The following ZNF846 variants were observed in gnomAD, a reference collection of about 807,000 sequenced individuals.
ZNF846 encodes the protein zinc finger protein 420 pseudogene.
In ZNF846, 15 loss-of-function variants were observed where a neutral mutation model predicts 16.0. The observed-to-expected ratio is 0.94, with a 90% CI of 0.63 to 1.45. The LOEUF (loss-of-function observed/expected upper bound fraction) is 1.45, where lower values mean the gene tolerates loss of function less well. ZNF846 is among the 40% of genes most tolerant of loss of function. ZNF846 has a pLI of 0.00. For synonymous variants in ZNF846, 229 were observed against 212.0 expected (o/e 1.08, Z -0.70); for missense variants, 714 against 622.3 (o/e 1.15, Z -1.57).
In ZNF846 at chr19:9,758,439, A is replaced by C. The variant is rs544734614; in HGVS notation, c.638T>G (p.Leu213Arg). ...ATTGTGAGATCTTATATGTAACTTA[A>C]GGGATGACTGATTAAGAAAAGTTCT... Residue 213 changes from leucine (L) to arginine (R), a missense_variant, in exon 6 of 6, where the codon CTT becomes CGT. Physicochemically the swap from Leu to Arg is moderately radical, Grantham distance 102. Coordinates refer to ENST00000397902, the Ensembl canonical transcript of ZNF846. The C allele has an allele frequency of 8.7e-6, 14 of 1,613,200 alleles. No homozygotes were observed. In the South Asian group the frequency reaches 1.1e-4, roughly 13 times the overall value.
intron 5 of ZNF846, among the ~76,000 whole-genome samples, chr19:9,759,289 T>C (rs1458355628): frequency 1.3e-5 from 2 of 149,700 alleles, no homozygotes; most frequent in Admixed American, 1.3e-4. Flanking sequence ...TTAGCCACAA[T>C]ACATCTGAGA....
At chr19:9,754,552 G>A (rs545487078), downstream of ZNF846, among the ~76,000 whole-genome samples, 7 of 113,046 alleles carry the variant, frequency 6.2e-5, no homozygotes, top group East Asian at 2.2e-4. Flanking sequence ...GCGACAGAGC[G>A]AGACTCTGTC....
At chr19:9,775,243 C>A (rs1016785031) in intron 1 of ZNF846, among the ~76,000 whole-genome samples, 5 of 150,400 alleles carry the variant, frequency 3.3e-5, no homozygotes, top group African/African-American at 1.2e-4. Context: ...CAATAAAAAA[C>A]CAAACTTTTT....
Position 9,763,393 on chromosome 19 carries a change from CA to C in ZNF846, c.30del (p.Phe10LeufsTer27). On this transcript the variant is annotated frameshift_variant, in exon 3 of 6. Coordinates refer to ENST00000397902, the Ensembl canonical transcript of ZNF846. LOFTEE classifies it high-confidence loss of function. ...TGGGTAAAGTCCACAGCCACATCCT[CA>C]AAGGTCACTAAGTGCTAAACCATTA... The C allele has an allele frequency of 6.2e-7, 1 of 1,609,672 alleles. No homozygotes were observed.
rs1356246922 is a variant in ZNF846, at chr19:9,764,813, GGGAGTTATTTCCTGA to G, written c.15+108_15+122del. 11 of 1,153,266 alleles carry G rather than the reference GGGAGTTATTTCCTGA, an allele frequency of 9.5e-6. 1 individual carries two copies. The East Asian group carries it at 2.1e-4, about 22-fold the overall frequency. The allele number at this position is 1,153,266 out of a possible 1,614,324, so 71.4% of individuals were successfully genotyped here. ...CTTGGTTCCTAGAGAAATTCACCTG[GGGAGTTATTTCCTGA>G]GCAGGACCATCATTTCTTTAAGATG... On this transcript the variant is annotated intron_variant, in intron 2 of 5. Coordinates refer to ENST00000397902, the Ensembl canonical transcript of ZNF846.
At chr19:9,776,640 C>T (rs556578159) in intron 1 of ZNF846, among the ~76,000 whole-genome samples, 1 of 152,216 alleles carries the variant, frequency 6.6e-6, no homozygotes, top group Admixed American at 6.5e-5. Context: ...GGTCTCCGTG[C>T]ATTGGGGGTA....
chr19:9,773,845 C>T (rs997475279), intron 1 of ZNF846, among the ~76,000 whole-genome samples: 1 of 152,094 alleles, frequency 6.6e-6, no homozygotes, highest in Non-Finnish European at 1.5e-5. Flanking sequence ...GAAACTATCT[C>T]TTTTTGCAGA....
At chr19:9,754,565 A>T (rs889003860), downstream of ZNF846, among the ~76,000 whole-genome samples, 1 of 66,428 alleles carries the variant, frequency 1.5e-5, no homozygotes, top group Non-Finnish European at 2.9e-5. Flanking sequence ...ACTCTGTCTT[A>T]AAAAAAAAAA....
downstream of ZNF846, among the ~76,000 whole-genome samples, chr19:9,752,707 G>A (rs759657185): frequency 6.9e-6 from 1 of 145,686 alleles, no homozygotes; most frequent in Non-Finnish European, 1.5e-5. Context: ...CCTTGTAGCT[G>A]GATATTGAAG....
chr19:9,758,252 A>G (rs1471267618), exon 6 of ZNF846: 1 of 1,613,088 alleles, frequency 6.2e-7, no homozygotes, highest in South Asian at 1.1e-5. Context: ...CTCCACTGTG[A>G]GTTCTGATGT....
chr19:9,765,935 CAT>C (rs377543388), intron 1 of ZNF846, among the ~76,000 whole-genome samples: 9 of 150,960 alleles, frequency 6.0e-5, no homozygotes, highest in East Asian at 3.9e-4. Flanking sequence ...AATAAATATA[CAT>C]ATATATATAT....
rs570777320 is a variant in ZNF846, at chr19:9,762,551, T to C, written c.143-383A>G. The C allele has an allele frequency of 7.8e-5, 13 of 167,442 alleles. No homozygotes were observed. In the East Asian group the frequency reaches 2.3e-3, roughly 30 times the overall value. The allele number at this position is 167,442 out of a possible 1,614,324, so 10.4% of individuals were successfully genotyped here. On this transcript the variant is annotated intron_variant, in intron 3 of 5. Coordinates refer to ENST00000397902, the Ensembl canonical transcript of ZNF846. ...TACTCAGAAGGTTGAGGCAGAAGAATTGCTTGAGCCTGGAAAACCAAGTCC... is the reference window on the plus strand; with the variant it reads ...TACTCAGAAGGTTGAGGCAGAAGAACTGCTTGAGCCTGGAAAACCAAGTCC...
upstream of ZNF846, among the ~76,000 whole-genome samples, chr19:9,769,505 A>G (rs1369145066): frequency 6.6e-6 from 1 of 151,484 alleles, no homozygotes; most frequent in Non-Finnish European, 1.5e-5. Flanking sequence ...TGCTGGGATT[A>G]TAGGCGTGAG....
downstream of ZNF846, among the ~76,000 whole-genome samples, chr19:9,750,754 C>T (rs536597633): frequency 6.6e-6 from 1 of 152,300 alleles, no homozygotes; most frequent in East Asian, 1.9e-4. Flanking sequence ...CAACCTCTGT[C>T]ACACCATTCT....
intron 1 of ZNF846, among the ~76,000 whole-genome samples, chr19:9,776,567 C>G (rs1042895650): frequency 3.9e-5 from 6 of 152,352 alleles, no homozygotes; most frequent in Admixed American, 6.5e-5. Flanking sequence ...ACACTCTTTA[C>G]CCTGCCCCTT....
chr19:9,782,173 G>C (rs2045508692), intron 1 of ZNF846, among the ~76,000 whole-genome samples: 1 of 152,112 alleles, frequency 6.6e-6, no homozygotes, highest in African/African-American at 2.4e-5. Flanking sequence ...CTGAAAAATA[G>C]CTGCCCCACC....
At chr19:9,761,467 C>T (rs1461541413) in intron 4 of ZNF846, among the ~76,000 whole-genome samples, 1 of 151,754 alleles carries the variant, frequency 6.6e-6, no homozygotes, top group African/African-American at 2.4e-5. Context: ...AATGCCAGCA[C>T]TTTGGGAGGC....
In ZNF846 at chr19:9,763,291, T is replaced by C. The variant is rs771037909; in HGVS notation, c.133A>G (p.Ile45Val). ...ATGATGCCAGTTTTACCTAGTATAA[T>C]GAGATTCTTGTAGTTCTCCAACATC... The change falls in exon 3 of 6, where the codon ATT becomes GTT. Residue 45 changes from isoleucine (I) to valine (V), a missense_variant. Ile to Val is a conservative substitution (Grantham distance 29). Transcript: ENST00000397902. 3 of 1,591,664 alleles carry C rather than the reference T, an allele frequency of 1.9e-6. No individual in the cohort carries two copies. Among genetic ancestry groups the C allele is most frequent in the Non-Finnish European group, 1.7e-6 (2 of 1,168,456 alleles).
At chr19:9,754,979 C>A (rs778054691), downstream of ZNF846, among the ~76,000 whole-genome samples, 4 of 151,284 alleles carry the variant, frequency 2.6e-5, no homozygotes, top group Middle Eastern at 3.2e-3. Context: ...AATCCTCCTG[C>A]CTCAGCCTCT....
Sources: allele counts gnomAD v4.1 joint callset (sites outside exome capture counted in the v4.1 genomes callset), GRCh38; gene constraint gnomAD v4.1.1; transcripts MANE v1.5; gene names NCBI Gene and HGNC (gene_info 2026-07-23, HGNC 2026-07-21).